The following SLC4A4 variants were observed in gnomAD, a reference collection of about 807,000 sequenced individuals.
SLC4A4 encodes electrogenic sodium bicarbonate cotransporter 1.
SLC4A4 carries 27 observed loss-of-function variants against 111.5 expected under a neutral mutation model. That is an observed-to-expected ratio of 0.24 (90% confidence interval 0.18 to 0.33). The LOEUF is 0.33. Among genes scored for constraint, SLC4A4 ranks in the 10% least tolerant of loss-of-function variants. SLC4A4 has a pLI of 1.00. For synonymous variants in SLC4A4, 443 were observed against 463.4 expected (o/e 0.96, Z 0.57); for missense variants, 909 against 1,315.5 (o/e 0.69, Z 4.78).
chr4:71,216,132 C>T (rs1347174098), intron 1 of SLC4A4, among the ~76,000 whole-genome samples: 1 of 152,010 alleles, frequency 6.6e-6, no homozygotes, highest in African/African-American at 2.4e-5. Flanking sequence ...TGGTCTCGAA[C>T]TCCTGGCCTC....
At chr4:71,450,603 G>T in intron 10 of SLC4A4, 60 bp downstream of exon 10, 13 of 1,467,582 alleles carry the variant, frequency 8.9e-6, no homozygotes, top group Non-Finnish European at 1.2e-5. Context: ...AGGAGGTTGT[G>T]TTAAAAAAAA....
chr4:71,426,239 C>T (rs1723121856), intron 7 of SLC4A4, among the ~76,000 whole-genome samples: 2 of 152,026 alleles, frequency 1.3e-5, no homozygotes, highest in South Asian at 4.2e-4. Context: ...GCATGTCTTA[C>T]CCCTCTCTTC....
At chr4:71,184,694 G>C (rs982645926), upstream of SLC4A4, among the ~76,000 whole-genome samples, 2 of 152,186 alleles carry the variant, frequency 1.3e-5, no homozygotes, top group African/African-American at 2.4e-5. Context: ...AGAATCAAGA[G>C]ACATGGCACA....
At chr4:71,332,675 G>T (rs770280612) in intron 3 of SLC4A4, among the ~76,000 whole-genome samples, 1 of 151,896 alleles carries the variant, frequency 6.6e-6, no homozygotes, top group African/African-American at 2.4e-5. Context: ...CTCGTGATCC[G>T]CCCGCCTCGG....
intron 3 of SLC4A4, among the ~76,000 whole-genome samples, chr4:71,319,007 G>T (rs1560406659): frequency 6.6e-6 from 1 of 151,892 alleles, no homozygotes; most frequent in East Asian, 1.9e-4. Context: ...GTGCAGCTCA[G>T]AGATAACCAA....
intron 15 of SLC4A4, among the ~76,000 whole-genome samples, chr4:71,495,512 C>A (rs577237663): frequency 8.8e-4 from 134 of 152,130 alleles, no homozygotes; most frequent in Non-Finnish European, 1.6e-3. Flanking sequence ...TGCAGTTCAG[C>A]TGTTTACAAG....
At chr4:71,225,667 A>G (rs1719001251) in intron 1 of SLC4A4, among the ~76,000 whole-genome samples, 5 of 152,142 alleles carry the variant, frequency 3.3e-5, no homozygotes, top group Admixed American at 3.3e-4. Context: ...CATCTTCTCC[A>G]ATGTCAGCTG....
At chr4:71,165,791 G>A (rs1744728633) in intron 2 of SLC4A4, among the ~76,000 whole-genome samples, 1 of 151,950 alleles carries the variant, frequency 6.6e-6, no homozygotes. Flanking sequence ...GTGACCCAAT[G>A]AGTCCCAAAA....
intron 1 of SLC4A4, among the ~76,000 whole-genome samples, chr4:71,229,868 C>T (rs1719300860): frequency 7.3e-6 from 1 of 137,514 alleles, no homozygotes; most frequent in African/African-American, 2.8e-5. Flanking sequence ...GGAATGGTTG[C>T]AGCTTTTTCT....
At chr4:71,230,156 C>T (rs1355614783) in intron 1 of SLC4A4, among the ~76,000 whole-genome samples, 9 of 152,102 alleles carry the variant, frequency 5.9e-5, no homozygotes, top group Admixed American at 5.2e-4. Flanking sequence ...GGGAATAGAA[C>T]TCAGAAATGT....
chr4:71,512,435 T>C (rs1179048916), intron 16 of SLC4A4, among the ~76,000 whole-genome samples: 1 of 152,188 alleles, frequency 6.6e-6, no homozygotes, highest in Non-Finnish European at 1.5e-5. Flanking sequence ...TGGCTGTTAC[T>C]GTGTCTTCTT....
chr4:71,173,386 AATTT>A (rs756475155), intron 2 of SLC4A4, among the ~76,000 whole-genome samples: 12 of 151,986 alleles, frequency 7.9e-5, no homozygotes, highest in Non-Finnish European at 1.6e-4. Flanking sequence ...TTAATTAATT[AATTT>A]ATTTATTTTG....
chr4:71,195,248 T>G (rs1745938476), intron 1 of SLC4A4, among the ~76,000 whole-genome samples: 1 of 149,936 alleles, frequency 6.7e-6, no homozygotes, highest in African/African-American at 2.4e-5. Flanking sequence ...TTTTTTTTTT[T>G]TTTTTTTAAA....
At chr4:71,215,175 C>G (rs1718349635) in intron 1 of SLC4A4, among the ~76,000 whole-genome samples, 1 of 152,222 alleles carries the variant, frequency 6.6e-6, no homozygotes. Flanking sequence ...GTCCATCCTT[C>G]TGTCCTCTCC....
rs1190121394 is a variant in SLC4A4 at position 71,229,815 on chromosome 4, T to TG, written c.-1-6761_-1-6760insG. 3.3e-5 allele frequency among the ~76,000 whole-genome samples: 5 copies of TG among 151,250 alleles called. No homozygotes were observed. The South Asian group carries it at 6.3e-4, about 19-fold the overall frequency. On this transcript the variant is annotated intron_variant, in intron 1 of 25. Transcript: ENST00000264485. The stretch of plus-strand genomic sequence containing the variant: ...GCCTTCTTAGAGCCCCTGCGAAGTT[T>TG]TTTTTTTTTTTTTTTTTTCCCAGCC...
rs537305299 is a variant in SLC4A4, at chr4:71,146,829, A to T, written c.-2+54037A>T. Among the ~76,000 whole-genome samples the T allele has an allele frequency of 5.9e-5, 9 of 152,348 alleles. No individual in the cohort carries two copies. The South Asian group carries it at 1.9e-3, about 32-fold the overall frequency. ...TCAAGGCTAGGAAGAAACTGCATCA[A>T]CTAATGAGCAAAATAACCAGCTAAC... On this transcript the variant is annotated intron_variant, in intron 2 of 26. Transcript: ENST00000649996.
intron 2 of SLC4A4, among the ~76,000 whole-genome samples, chr4:71,115,998 G>A (rs547306546): frequency 6.6e-6 from 1 of 152,154 alleles, no homozygotes; most frequent in Non-Finnish European, 1.5e-5. Flanking sequence ...AGGTTGAAGC[G>A]ATTCTCCTGC....
chr4:71,204,834 A>T (rs905592927), intron 1 of SLC4A4, among the ~76,000 whole-genome samples: 1 of 152,234 alleles, frequency 6.6e-6, no homozygotes, highest in South Asian at 2.1e-4. Flanking sequence ...GTTGCACTGT[A>T]TGACATATAT....
At chr4:71,385,535 G>A (rs1213421121) in intron 6 of SLC4A4, among the ~76,000 whole-genome samples, 1 of 151,904 alleles carries the variant, frequency 6.6e-6, no homozygotes, top group African/African-American at 2.4e-5. Flanking sequence ...TATAAATTTT[G>A]TGCTTTCTCT....
Sources: gnomAD v4.1 joint callset for allele counts (sites outside exome capture counted in the v4.1 genomes callset) on GRCh38, gnomAD v4.1.1 for gene constraint, MANE v1.5 for transcripts, NCBI Gene and HGNC (gene_info 2026-07-23, HGNC 2026-07-21) for gene names.